XKR4: variants seen among roughly 807,000 people sequenced by gnomAD.
XKR4 encodes the protein XK related 4.
In XKR4, 12 loss-of-function variants were observed where a neutral mutation model predicts 53.9. The ratio of observed to expected loss-of-function variants is 0.22; its 90% CI spans 0.14 to 0.36. The LOEUF (loss-of-function observed/expected upper bound fraction) is 0.36, where lower values mean the gene tolerates loss of function less well. Ranked by LOEUF, XKR4 falls within the 10% of genes least tolerant of loss-of-function variation. XKR4 has a pLI of 1.00. For missense variants in XKR4, 799 were observed against 859.5 expected, an observed-to-expected ratio of 0.93 and a Z score of 0.88; for synonymous variants, 354 against 362.4, an observed-to-expected ratio of 0.98 and a Z score of 0.26.
chr8:55,428,938 A>G (rs1316949331), intron 2 of XKR4, among the ~76,000 whole-genome samples: 3 of 152,250 alleles, frequency 2.0e-5, no homozygotes, highest in Admixed American at 2.0e-4. Context: ...TAACATTTAC[A>G]TGGAAAAGCA....
rs1355980662 is a variant in XKR4 at position 55,289,645 on chromosome 8, GA to G, written c.807-68030del. Among the ~76,000 whole-genome samples, 815 of 109,556 alleles carry G rather than the reference GA, an allele frequency of 7.4e-3. 20 individuals carry two copies. Among genetic ancestry groups the G allele is most frequent in the African/African-American group, 0.022 (623 of 28,356 alleles). The allele number at this position is 109,556 out of a possible 152,430, so 71.9% of individuals were successfully genotyped here. On this transcript the variant is annotated intron_variant, in intron 1 of 2. Coordinates refer to ENST00000327381, the MANE Select transcript of XKR4 (RefSeq NM_052898.2). ...AGAAAGAAAGAAAGAAAGAAAGAAA[GA>G]AAGGAAGGAAGGAAAAGAAAAGAAA... is the stretch of plus-strand genomic sequence containing the variant.
intron 1 of XKR4, chr8:55,142,417 C>A: frequency 3.7e-6 from 1 of 270,460 alleles, no homozygotes. Context: ...CTGTGGCCCA[C>A]TTGATCCTCC....
chr8:55,454,647 C>T (rs1463547959), intron 2 of XKR4: 39 of 1,051,988 alleles, frequency 3.7e-5, no homozygotes, highest in Non-Finnish European at 5.2e-5. Flanking sequence ...GCACGGTGCA[C>T]GTCAGCAGGT....
intron 2 of XKR4, among the ~76,000 whole-genome samples, chr8:55,477,965 A>T (rs1050905778): frequency 6.6e-6 from 1 of 152,168 alleles, no homozygotes; most frequent in Admixed American, 6.5e-5. Flanking sequence ...AATGCAACCA[A>T]GTTGGGAAAC....
intron 2 of XKR4, among the ~76,000 whole-genome samples, chr8:55,521,825 C>T (rs1012639744): frequency 3.3e-5 from 5 of 152,128 alleles, no homozygotes; most frequent in East Asian, 1.9e-4. Context: ...CAGCTCTTCC[C>T]TATAAAAATA....
chr8:55,413,797 T>C (rs1804807547), intron 2 of XKR4, among the ~76,000 whole-genome samples: 1 of 152,194 alleles, frequency 6.6e-6, no homozygotes, highest in Non-Finnish European at 1.5e-5. Context: ...TTTCCCCTCC[T>C]TCCTGTAGCA....
intron 1 of XKR4, among the ~76,000 whole-genome samples, chr8:55,159,849 T>C (rs569963611): frequency 1.3e-5 from 2 of 152,336 alleles, no homozygotes; most frequent in African/African-American, 4.8e-5. Context: ...AGTTCATCTG[T>C]GGTCCTGGCT....
chr8:55,283,856 T>G (rs898587587), intron 1 of XKR4, among the ~76,000 whole-genome samples: 2 of 152,206 alleles, frequency 1.3e-5, no homozygotes, highest in Non-Finnish European at 2.9e-5. Flanking sequence ...ACAATGATGC[T>G]ACTGGGACAT....
intron 1 of XKR4, among the ~76,000 whole-genome samples, chr8:55,324,340 C>A (rs1055038477): frequency 6.6e-6 from 1 of 152,204 alleles, no homozygotes; most frequent in African/African-American, 2.4e-5. Flanking sequence ...AAGCAATCCA[C>A]CCACCTTGGC....
intron 1 of XKR4, among the ~76,000 whole-genome samples, chr8:55,299,622 G>A (rs567806066): frequency 6.6e-6 from 1 of 152,302 alleles, no homozygotes; most frequent in Admixed American, 6.5e-5. Flanking sequence ...GGAAGACTTG[G>A]GGTGAAAAGA....
chr8:55,146,890 G>A, intron 1 of XKR4, among the ~76,000 whole-genome samples: 1 of 152,230 alleles, frequency 6.6e-6, no homozygotes, highest in East Asian at 1.9e-4. Flanking sequence ...GGAGGGGGCA[G>A]CTGCTTCTGC....
intron 1 of XKR4, among the ~76,000 whole-genome samples, chr8:55,195,803 C>G (rs989922507): frequency 6.6e-6 from 1 of 152,098 alleles, no homozygotes; most frequent in Admixed American, 6.5e-5. Context: ...TTATGTTAGC[C>G]GCCATGGTTT....
chr8:55,279,398 G>A (rs1297513665), intron 1 of XKR4, among the ~76,000 whole-genome samples: 1 of 152,210 alleles, frequency 6.6e-6, no homozygotes, highest in African/African-American at 2.4e-5. Flanking sequence ...AGCACTTTCA[G>A]TGGCTCCACT....
chr8:55,450,858 T>G, intron 2 of XKR4: 1 of 475,924 alleles, frequency 2.1e-6, no homozygotes, highest in Non-Finnish European at 4.0e-6. Context: ...CGGAGGAACT[T>G]GAGTCCAGGA....
At chr8:55,113,527 A>T (rs1816262046) in intron 1 of XKR4, among the ~76,000 whole-genome samples, 1 of 152,110 alleles carries the variant, frequency 6.6e-6, no homozygotes, top group Non-Finnish European at 1.5e-5. Context: ...AGAAAGAAAA[A>T]CTTGAGTTGT....
chr8:55,451,788 C>T (rs1257067211), intron 2 of XKR4: 3 of 1,022,744 alleles, frequency 2.9e-6, no homozygotes, highest in East Asian at 5.0e-5. Flanking sequence ...GGCCAAGGCA[C>T]TGATAGTCGC....
chr8:55,220,854 C>T (rs1212507404), intron 1 of XKR4, among the ~76,000 whole-genome samples: 1 of 152,180 alleles, frequency 6.6e-6, no homozygotes, highest in Non-Finnish European at 1.5e-5. Context: ...TAAATGAGGA[C>T]ATTAATATAT....
Position 55,456,996 on chromosome 8 carries a change from A to G in XKR4, c.1007-66285A>G, listed in dbSNP as rs574153497. 1.4e-4 allele frequency among the ~76,000 whole-genome samples: 19 copies of G among 136,132 alleles called. No individual in the cohort carries two copies. In the East Asian group the frequency reaches 3.7e-3, roughly 27 times the overall value. The allele number at this position is 136,132 out of a possible 152,430, so 89.3% of individuals were successfully genotyped here. On this transcript the variant is annotated intron_variant, in intron 2 of 2. Transcript: ENST00000327381. ...ACACATCATAATCAATGACTGAAAT[A>G]GAAATACAAAGAGAAAATCTTGAAA...
At chr8:55,453,815 T>A (rs1301420326) in intron 2 of XKR4, 1 of 466,522 alleles carries the variant, frequency 2.1e-6, no homozygotes, top group Non-Finnish European at 4.1e-6. Context: ...GTGGTTCTCA[T>A]CCACCCACCT....
Sources: allele counts gnomAD v4.1 joint callset (sites outside exome capture counted in the v4.1 genomes callset), GRCh38; gene constraint gnomAD v4.1.1; transcripts MANE v1.5; gene names NCBI Gene and HGNC (gene_info 2026-07-23, HGNC 2026-07-21).